Variants in CCDC85A observed in about 807,000 individuals in gnomAD.
The protein encoded by CCDC85A is coiled-coil domain-containing protein 85A.
A neutral mutation model predicts 50.2 loss-of-function variants in CCDC85A; 38 were observed. The observed-to-expected ratio is 0.76, with a 90% CI of 0.58 to 0.99. The LOEUF (loss-of-function observed/expected upper bound fraction) is 0.99, where lower values mean the gene tolerates loss of function less well. Among genes scored for constraint, CCDC85A ranks in the 50% least tolerant of loss-of-function variants. The pLI is 0.00. For missense variants in CCDC85A, 820 were observed against 742.0 expected (o/e 1.11, Z -1.22); for synonymous variants, 366 against 301.4 (o/e 1.21, Z -2.22).
rs1032662554 is a variant in CCDC85A at position 56,385,458 on chromosome 2, A to G, written c.*1103A>G. 2.0e-5 allele frequency: 3 copies of G among 152,306 alleles called. No individual in the cohort carries two copies. The South Asian group carries it at 6.2e-4, about 32-fold the overall frequency. 9.4% of individuals were successfully genotyped at this position (152,306 alleles called of 1,614,324 possible). ...TTTGGTATACATATACATATATATA[A>G]CATTAGAATGTGTGTACTGGAAATG... On this transcript the variant is annotated 3_prime_UTR_variant, in exon 6 of 6. Transcript: ENST00000407595.
intron 2 of CCDC85A, among the ~76,000 whole-genome samples, chr2:56,220,023 G>A (rs1045138050): frequency 2.6e-5 from 4 of 151,998 alleles, no homozygotes; most frequent in African/African-American, 7.2e-5. Context: ...GCTTCACTAA[G>A]GTGACAACTG....
At chr2:56,195,995 A>G (rs1676505108) in intron 2 of CCDC85A, among the ~76,000 whole-genome samples, 1 of 152,132 alleles carries the variant, frequency 6.6e-6, no homozygotes, top group Non-Finnish European at 1.5e-5. Flanking sequence ...GAAAAAGATG[A>G]CTGTTTTCGT....
At chr2:56,343,261 A>G (rs925703038) in intron 3 of CCDC85A, among the ~76,000 whole-genome samples, 5 of 152,254 alleles carry the variant, frequency 3.3e-5, no homozygotes, top group South Asian at 2.1e-4. Context: ...AGTACTACTC[A>G]TATACACCAT....
Position 56,291,121 on chromosome 2 carries a change from G to A in CCDC85A, c.1241-51758G>A, listed in dbSNP as rs139141273. Among the ~76,000 whole-genome samples the A allele has an allele frequency of 4.0e-3, 615 of 152,326 alleles. 4 individuals carry two copies. Among genetic ancestry groups the A allele is most frequent in the African/African-American group, 0.014 (587 of 41,566 alleles). Reference sequence around the variant, plus strand: ...ACTTCGGTTTTTGTAAAATGTAAATGTATTCCTTTCTCATATAGAGGCAAA... The same window carrying A: ...ACTTCGGTTTTTGTAAAATGTAAATATATTCCTTTCTCATATAGAGGCAAA... On this transcript the variant is annotated intron_variant, in intron 2 of 5. Transcript: ENST00000407595.
intron 3 of CCDC85A, among the ~76,000 whole-genome samples, chr2:56,347,897 T>C (rs1183336648): frequency 6.6e-6 from 1 of 152,248 alleles, no homozygotes; most frequent in Non-Finnish European, 1.5e-5. Context: ...TATGTTTATA[T>C]GCTGCATGTG....
At chr2:56,295,106 T>A (rs959719296) in intron 2 of CCDC85A, among the ~76,000 whole-genome samples, 1 of 151,850 alleles carries the variant, frequency 6.6e-6, no homozygotes, top group Non-Finnish European at 1.5e-5. Flanking sequence ...TGCTTAGATT[T>A]TCACTGAATG....
chr2:56,319,441 G>A (rs1173931527), intron 2 of CCDC85A, among the ~76,000 whole-genome samples: 2 of 152,060 alleles, frequency 1.3e-5, no homozygotes, highest in Non-Finnish European at 2.9e-5. Flanking sequence ...GGCAAAAGCA[G>A]GGTAACTCTT....
intron 3 of CCDC85A, among the ~76,000 whole-genome samples, chr2:56,368,160 G>A (rs564716581): frequency 6.6e-6 from 1 of 152,278 alleles, no homozygotes; most frequent in South Asian, 2.1e-4. Context: ...ATAAATGAAT[G>A]ACTATACATC....
chr2:56,282,914 TA>T (rs1410870058), intron 2 of CCDC85A, among the ~76,000 whole-genome samples: 2 of 152,236 alleles, frequency 1.3e-5, no homozygotes, highest in Non-Finnish European at 2.9e-5. Flanking sequence ...CCTAATGACT[TA>T]ATTTTTATAG....
chr2:56,237,729 C>A (rs552636219), intron 2 of CCDC85A, among the ~76,000 whole-genome samples: 1 of 111,978 alleles, frequency 8.9e-6, no homozygotes, highest in Admixed American at 1.1e-4. Flanking sequence ...GCTGTACTAA[C>A]CCTAACCATT....
intron 2 of CCDC85A, among the ~76,000 whole-genome samples, chr2:56,334,183 A>C (rs1266689848): frequency 6.6e-6 from 1 of 151,952 alleles, no homozygotes; most frequent in South Asian, 2.1e-4. Flanking sequence ...AAAATATTGT[A>C]TTTGGTTTTT....
At chr2:56,230,623 T>C (rs1668735041) in intron 2 of CCDC85A, among the ~76,000 whole-genome samples, 1 of 152,212 alleles carries the variant, frequency 6.6e-6, no homozygotes, top group Non-Finnish European at 1.5e-5. Flanking sequence ...TCAGCTCACA[T>C]GTTACCTCCT....
intron 2 of CCDC85A, among the ~76,000 whole-genome samples, chr2:56,242,170 T>A (rs1669289659): frequency 6.6e-6 from 1 of 152,212 alleles, no homozygotes; most frequent in Non-Finnish European, 1.5e-5. Flanking sequence ...AGTTTTTATC[T>A]GGATTATTAC....
intron 3 of CCDC85A, among the ~76,000 whole-genome samples, chr2:56,345,604 A>G (rs1366615081): frequency 1.3e-5 from 2 of 152,214 alleles, no homozygotes; most frequent in African/African-American, 2.4e-5. Context: ...TCCTATAAAT[A>G]CAAACTAACA....
At chr2:56,199,341 G>C (rs937111476) in intron 2 of CCDC85A, among the ~76,000 whole-genome samples, 2 of 152,142 alleles carry the variant, frequency 1.3e-5, no homozygotes, top group African/African-American at 4.8e-5. Context: ...GATGTTAGTC[G>C]ATCTCCACTT....
At chr2:56,235,627 G>A (rs948809423) in intron 2 of CCDC85A, among the ~76,000 whole-genome samples, 6 of 152,076 alleles carry the variant, frequency 3.9e-5, no homozygotes, top group Admixed American at 6.6e-5. Flanking sequence ...CTGAGCACAG[G>A]CATCAGTGTC....
At chr2:56,360,752 A>C (rs910521008) in intron 3 of CCDC85A, among the ~76,000 whole-genome samples, 3 of 152,210 alleles carry the variant, frequency 2.0e-5, no homozygotes, top group African/African-American at 7.2e-5. Context: ...GTATGGAGAG[A>C]TGAGATGAAA....
chr2:56,259,183 G>A (rs1324097397), intron 2 of CCDC85A, among the ~76,000 whole-genome samples: 2 of 152,196 alleles, frequency 1.3e-5, no homozygotes, highest in East Asian at 1.9e-4. Context: ...GAAACAGGAA[G>A]CCTAGAATGG....
chr2:56,219,255 A>G (rs1440851197), intron 2 of CCDC85A, among the ~76,000 whole-genome samples: 3 of 148,820 alleles, frequency 2.0e-5, no homozygotes, highest in Non-Finnish European at 4.5e-5. Flanking sequence ...GATGAATAAT[A>G]CAGTATTTTC....
Sources: gnomAD v4.1 joint callset for allele counts (sites outside exome capture counted in the v4.1 genomes callset) on GRCh38, gnomAD v4.1.1 for gene constraint, MANE v1.5 for transcripts, NCBI Gene and HGNC (gene_info 2026-07-23, HGNC 2026-07-21) for gene names.